Variants in SMG7 observed in about 807,000 individuals in gnomAD.
The protein encoded by SMG7 is SMG7 nonsense mediated mRNA decay factor.
Under a neutral mutation model 148.2 loss-of-function variants are expected in SMG7, and 34 were observed. The observed-to-expected ratio is 0.23, with a 90% CI of 0.17 to 0.31. The LOEUF is 0.31. Among genes scored for constraint, SMG7 ranks in the 10% least tolerant of loss-of-function variants. The pLI is 1.00. For synonymous variants in SMG7, 492 were observed against 515.1 expected (o/e 0.96, Z 0.61); for missense variants, 1,114 against 1,408.4 (o/e 0.79, Z 3.35).
chr1:183,474,366 C>T (rs554595089), intron 1 of SMG7, among the ~76,000 whole-genome samples: 15 of 152,306 alleles, frequency 9.8e-5, no homozygotes. Flanking sequence ...AGTTCAAGAC[C>T]AGCCTGGCCA....
Position 183,553,915 on chromosome 1 carries a change from G to T in SMG7, c.*1984G>T, listed in dbSNP as rs1671469461. 6.6e-6 allele frequency: 1 copy of T among 152,536 alleles called. No homozygotes were observed. Among genetic ancestry groups the T allele is most frequent in the Admixed American group, 6.6e-5 (1 of 15,264 alleles). 9.4% of individuals were successfully genotyped at this position (152,536 alleles called of 1,614,324 possible). On this transcript the variant is annotated 3_prime_UTR_variant, in exon 23 of 23. Coordinates refer to ENST00000688051, the MANE Select transcript of SMG7 (RefSeq NM_001375584.1). The stretch of plus-strand genomic sequence containing the variant: ...AACCAGGTTTACCATCTCACTCCCA[G>T]TAATACCCAGCTCCTATCTAAAGCC...
chr1:183,528,123 A>G, intron 6 of SMG7, 96 bp downstream of exon 6: 1 of 798,708 alleles, frequency 1.3e-6, no homozygotes, highest in Non-Finnish European at 1.9e-6. Context: ...GTTTTATGAA[A>G]GCAATAAATG....
chr1:183,496,684 T>C (rs1236282132), intron 1 of SMG7, among the ~76,000 whole-genome samples: 1 of 152,228 alleles, frequency 6.6e-6, no homozygotes, highest in Non-Finnish European at 1.5e-5. Context: ...TGGCCACTTG[T>C]TCTCAATCTG....
chr1:183,551,814 T>G lies in SMG7; in HGVS notation c.3451-4T>G. The stretch of plus-strand genomic sequence containing the variant: ...CTGCTGACAAGATCTGGACTGTTTT[T>G]CAGTCTATCTGGTCCAGTTCCATGA... On this transcript the variant is annotated splice_polypyrimidine_tract_variant and splice_region_variant and intron_variant, in intron 22 of 22. Transcript: ENST00000688051. 6.3e-7 allele frequency: 1 copy of G among 1,596,524 alleles called. No individual in the cohort carries two copies. The highest frequency in any genetic ancestry group is 8.6e-7 in the Non-Finnish European group (1 of 1,168,136).
chr1:183,512,426 G>A (rs1662350949), intron 1 of SMG7, among the ~76,000 whole-genome samples: 1 of 152,190 alleles, frequency 6.6e-6, no homozygotes, highest in Admixed American at 6.5e-5. Context: ...GGAATCAGTA[G>A]CTTGAGAAGA....
rs543986694 is a variant in SMG7 at position 183,534,302 on chromosome 1, A to G, written c.1163+470A>G. ...AAGATTGAAAGTTATTTTGATTCTC[A>G]CCATTTTCTCTGTCATCTCTACTCA... On this transcript the variant is annotated intron_variant, in intron 10 of 22. Transcript: ENST00000688051. Among the ~76,000 whole-genome samples the G allele has an allele frequency of 1.6e-3, 247 of 152,308 alleles. 2 individuals are homozygous for G. The highest frequency in any genetic ancestry group is 5.7e-3 in the African/African-American group (238 of 41,576).
At chr1:183,526,998 TTATG>T (rs1440251279) in intron 5 of SMG7, among the ~76,000 whole-genome samples, 1 of 152,178 alleles carries the variant, frequency 6.6e-6, no homozygotes, top group Non-Finnish European at 1.5e-5. Context: ...TATTCCAACT[TTATG>T]TAATTTATAT....
chr1:183,472,702 C>T (rs1650959901), intron 1 of SMG7, 53 bp downstream of exon 1: 2 of 1,418,270 alleles, frequency 1.4e-6, no homozygotes, highest in African/African-American at 1.5e-5. Flanking sequence ...CAGGTTGGGG[C>T]ATGGAGCAAC....
In SMG7 at chr1:183,527,901, T is replaced by C. The variant is rs1666168079; in HGVS notation, c.485-55T>C. ...CTTAAAACTATAGCTGTTTTGGAAATACTACCCTACTGTTTGTTTTTTGGG... is the reference window on the plus strand; with the variant it reads ...CTTAAAACTATAGCTGTTTTGGAAACACTACCCTACTGTTTGTTTTTTGGG... On this transcript the variant is annotated intron_variant, in intron 5 of 22. Coordinates refer to ENST00000688051, the MANE Select transcript of SMG7 (RefSeq NM_001375584.1). This position sits in a 1 kb window ranked among gnomAD's most constrained non-coding sequence, Gnocchi z 4.0. The C allele has an allele frequency of 4.8e-6, 6 of 1,243,458 alleles. No individual in the cohort carries two copies. Among genetic ancestry groups the C allele is most frequent in the Non-Finnish European group, 5.9e-6 (5 of 852,090 alleles). The allele number at this position is 1,243,458 out of a possible 1,614,324, so 77.0% of individuals were successfully genotyped here. A position where few individuals can be genotyped will look rare whatever the true frequency, so the allele number is the denominator to read the frequency against.
At chr1:183,481,223 C>T (rs957606891) in intron 1 of SMG7, among the ~76,000 whole-genome samples, 1 of 152,156 alleles carries the variant, frequency 6.6e-6, no homozygotes, top group Non-Finnish European at 1.5e-5. Context: ...AGAGTAATCT[C>T]ATTGTTTTCT....
chr1:183,518,601 G>A (rs1027093040), intron 4 of SMG7: 5 of 152,004 alleles, frequency 3.3e-5, no homozygotes, highest in South Asian at 2.1e-4. Context: ...TCCTCTGTTT[G>A]AATAATAAGC....
chr1:183,487,688 A>G (rs1413783252), intron 1 of SMG7, among the ~76,000 whole-genome samples: 3 of 152,242 alleles, frequency 2.0e-5, no homozygotes, highest in Non-Finnish European at 2.9e-5. Context: ...GCTGCTATCC[A>G]GAATGGATTA....
chr1:183,552,095 C>A lies in SMG7; in HGVS notation c.*164C>A. 7.6e-7 allele frequency: 1 copy of A among 1,311,420 alleles called. No homozygotes were observed. The allele number at this position is 1,311,420 out of a possible 1,614,324, so 81.2% of individuals were successfully genotyped here. ...GCCCGCTGAGTGTGCACGAAATGTT[C>A]GCAGTGCAACAAAAAGAAAAATCCA... On this transcript the variant is annotated 3_prime_UTR_variant, in exon 23 of 23. Coordinates refer to ENST00000688051, the MANE Select transcript of SMG7 (RefSeq NM_001375584.1).
rs767686500 is a variant in SMG7, at chr1:183,545,033, G to A, written c.2091G>A (p.Gln697=). 37 of 1,613,772 alleles carry A rather than the reference G, an allele frequency of 2.3e-5. 2 individuals carry two copies. The Admixed American group carries it at 5.7e-4, about 25-fold the overall frequency. The part of the protein sequence containing the change: ...AGVSVPGTFL[Q]PTAHSPAGNQ... ...TTTCTGTCCCAGGAACCTTTCTTCA[G>A]CCTACAGCTCACTCTCCAGCAGGAA... The change falls in exon 16 of 23, where the codon CAG becomes CAA. Residue 697 remains glutamine (Q), a synonymous_variant. Coordinates refer to ENST00000688051, the MANE Select transcript of SMG7 (RefSeq NM_001375584.1).
chr1:183,520,025 AT>A lies in SMG7; in HGVS notation c.312+2218del, dbSNP rs200738416. Reference sequence around the variant, plus strand: ...TGTTTGAAGTACAGAAGTTACCAGGATTTTTTTTTTTTTGCAATACCTTTTC... The same window carrying A: ...TGTTTGAAGTACAGAAGTTACCAGGATTTTTTTTTTTTGCAATACCTTTTC... On this transcript the variant is annotated intron_variant, in intron 4 of 22. Transcript: ENST00000688051. Among the ~76,000 whole-genome samples the A allele has an allele frequency of 9.6e-3, 1,375 of 143,822 alleles. 7 individuals carry two copies. Among genetic ancestry groups the A allele is most frequent in the African/African-American group, 0.028 (1,092 of 39,640 alleles). 94.4% of individuals were successfully genotyped at this position (143,822 alleles called of 152,430 possible).
chr1:183,528,978 G>C lies in SMG7; in HGVS notation c.643G>C (p.Val215Leu). Residue 215 changes from valine to leucine, a missense_variant, in exon 7 of 23, where the codon GTG becomes CTG. Val to Leu is a conservative substitution (Grantham distance 32). Coordinates refer to ENST00000688051, the MANE Select transcript of SMG7 (RefSeq NM_001375584.1). ...TIFYYCRSIA[V>L]KFPFPAASTN... ...TTTCTACTACTGCAGAAGCATTGCT[G>C]TGAAGTTCCCTTTCCCAGCTGCCTC... 1 of 1,613,626 alleles carries C rather than the reference G, an allele frequency of 6.2e-7. No homozygotes were observed. The highest frequency in any genetic ancestry group is 8.5e-7 in the Non-Finnish European group (1 of 1,179,662).
At position 183,542,273 on chromosome 1, in the gene SMG7, A is replaced by G. The variant is rs750234937; in HGVS notation, c.1613A>G (p.Asp538Gly). The change falls in exon 14 of 23, where the codon GAC becomes GGC. Residue 538 changes from aspartate to glycine, a missense_variant. Around this residue, in one of 4 missense-constraint regions of SMG7, gnomAD observed 788 missense variants for 894.5 expected, o/e 0.88. Transcript: ENST00000688051. ...STSRNLSNNCDTGEKPVVTFK... is the reference protein window; with the variant it reads ...STSRNLSNNCGTGEKPVVTFK... ...AGCCGAAATTTAAGCAACAACTGTG[A>G]CACAGGAGAGAAGCCAGTGGTTACC... 1 of 1,614,036 alleles carries G rather than the reference A, an allele frequency of 6.2e-7. No individual in the cohort carries two copies. The highest frequency in any genetic ancestry group is 1.1e-5 in the South Asian group (1 of 91,092).
At chr1:183,508,981 T>C (rs1661572708) in intron 1 of SMG7, among the ~76,000 whole-genome samples, 1 of 152,232 alleles carries the variant, frequency 6.6e-6, no homozygotes, top group Non-Finnish European at 1.5e-5. Flanking sequence ...GTTTTACTTT[T>C]GTTCTTTTCG....
At position 183,553,029 on chromosome 1, in the gene SMG7, A is replaced by C; in HGVS notation, c.*1098A>C. 2.6e-6 allele frequency: 4 copies of C among 1,536,294 alleles called. No individual in the cohort carries two copies. Among genetic ancestry groups the C allele is most frequent in the Non-Finnish European group, 3.5e-6 (4 of 1,146,932 alleles). On this transcript the variant is annotated 3_prime_UTR_variant, in exon 23 of 23. Transcript: ENST00000688051. ...GGGCCCAAAAGACAGTCTGAAGAGG[A>C]AGGAAGCAGCAGTATCTGCGTAGCC...
Sources: allele counts gnomAD v4.1 joint callset (sites outside exome capture counted in the v4.1 genomes callset), GRCh38; gene constraint gnomAD v4.1.1; regional missense constraint gnomAD v4.1.1; non-coding constraint Gnocchi (gnomAD v3.1); transcripts MANE v1.5; gene names NCBI Gene and HGNC (gene_info 2026-07-23, HGNC 2026-07-21).